ELF1: variants seen among roughly 807,000 people sequenced by gnomAD.
The protein encoded by ELF1 is ETS-related transcription factor Elf-1.
ELF1 carries 24 observed loss-of-function variants against 59.9 expected under a neutral mutation model. The ratio of observed to expected loss-of-function variants is 0.40; its 90% CI spans 0.29 to 0.56. The LOEUF (loss-of-function observed/expected upper bound fraction) is 0.56, where lower values mean the gene tolerates loss of function less well. Among genes scored for constraint, ELF1 ranks in the 20% least tolerant of loss-of-function variants. The probability of loss-of-function intolerance (pLI) is 0.44; values close to 1 mark genes in which losing one functional copy is unlikely to be tolerated. For synonymous variants in ELF1, 248 were observed against 266.2 expected (o/e 0.93, Z 0.67); for missense variants, 627 against 742.2 (o/e 0.84, Z 1.80).
At chr13:41,004,098 G>A (rs1282865923) in intron 1 of ELF1, among the ~76,000 whole-genome samples, 1 of 151,994 alleles carries the variant, frequency 6.6e-6, no homozygotes, top group African/African-American at 2.4e-5. Flanking sequence ...GCCATTTACT[G>A]GGTATACAAA....
intron 2 of ELF1, among the ~76,000 whole-genome samples, chr13:40,968,721 C>CTTT (rs35089615): frequency 7.3e-6 from 1 of 137,376 alleles, no homozygotes; most frequent in Non-Finnish European, 1.6e-5. Flanking sequence ...TTTCTATATT[C>CTTT]TTTTTTTTTT....
intron 1 of ELF1, among the ~76,000 whole-genome samples, chr13:41,038,682 G>A (rs984606069): frequency 1.1e-4 from 17 of 152,066 alleles, no homozygotes; most frequent in African/African-American, 3.9e-4. Context: ...GTAAAAGTAT[G>A]GAATAAAATA....
At chr13:41,044,427 G>A (rs1876754201) in intron 1 of ELF1, among the ~76,000 whole-genome samples, 1 of 152,172 alleles carries the variant, frequency 6.6e-6, no homozygotes, top group Admixed American at 6.5e-5. Flanking sequence ...TTGGCTGTGG[G>A]TTTGTCATAA....
chr13:41,009,395 C>T (rs2138357862), intron 1 of ELF1, among the ~76,000 whole-genome samples: 1 of 152,150 alleles, frequency 6.6e-6, no homozygotes, highest in East Asian at 1.9e-4. Context: ...AGGATACCTA[C>T]ACCAAGAACT....
rs570790553 is a variant in ELF1 at position 40,958,276 on chromosome 13, G to A, written c.253+560C>T. Among the ~76,000 whole-genome samples, 77 of 152,220 alleles carry A rather than the reference G, an allele frequency of 5.1e-4. 1 individual carries two copies. In the South Asian group the frequency reaches 0.015, roughly 29 times the overall value. ...AATCTATAAATCCCAGGACCTTATC[G>A]TACATTTGGGTCATGGCCCACCATT... On this transcript the variant is annotated intron_variant, in intron 3 of 8. Transcript: ENST00000239882.
intron 1 of ELF1, among the ~76,000 whole-genome samples, chr13:41,058,533 C>A (rs774017606): frequency 7.9e-5 from 12 of 152,252 alleles, no homozygotes; most frequent in Non-Finnish European, 1.5e-4. Context: ...AAAGATAAAT[C>A]TGTGTTTTAT....
intron 2 of ELF1, among the ~76,000 whole-genome samples, chr13:40,980,966 T>C (rs1873225849): frequency 2.0e-5 from 3 of 152,128 alleles, no homozygotes; most frequent in Admixed American, 2.0e-4. Context: ...TGTAGGTTTA[T>C]TTATAAACTT....
Position 40,977,754 on chromosome 13 carries a change from C to T in ELF1, c.72+4229G>A, listed in dbSNP as rs1341000109. On this transcript the variant is annotated intron_variant, in intron 2 of 8. Transcript: ENST00000239882. Reference sequence around the variant, plus strand: ...CTAACTCTAAAATTCATTCAAAATCCTATTCCAATTTGGGGGGAGGAGGAT... The same window carrying T: ...CTAACTCTAAAATTCATTCAAAATCTTATTCCAATTTGGGGGGAGGAGGAT... Among the ~76,000 whole-genome samples, 4 of 152,058 alleles carry T rather than the reference C, an allele frequency of 2.6e-5. No individual in the cohort carries two copies. The East Asian group carries it at 7.7e-4, about 29-fold the overall frequency.
intron 2 of ELF1, 94 bp from the exon 3 acceptor site, chr13:40,959,110 C>T (rs1871645146): frequency 1.4e-6 from 2 of 1,432,438 alleles, no homozygotes; most frequent in Non-Finnish European, 1.8e-6. Context: ...TACTAGCCAT[C>T]AATTTAATTT....
At chr13:40,978,541 A>C (rs1262224861) in intron 2 of ELF1, among the ~76,000 whole-genome samples, 1 of 152,116 alleles carries the variant, frequency 6.6e-6, no homozygotes, top group Non-Finnish European at 1.5e-5. Context: ...AAAACATTTA[A>C]AATTTCTATA....
At chr13:40,969,058 A>T (rs1450874149) in intron 2 of ELF1, among the ~76,000 whole-genome samples, 2 of 152,160 alleles carry the variant, frequency 1.3e-5, no homozygotes, top group Non-Finnish European at 2.9e-5. Flanking sequence ...AGTTTTAGCA[A>T]CCAGGCAGAA....
At chr13:41,043,791 T>C (rs903438789) in intron 1 of ELF1, among the ~76,000 whole-genome samples, 2 of 152,222 alleles carry the variant, frequency 1.3e-5, no homozygotes, top group Non-Finnish European at 2.9e-5. Context: ...GTGGGCTCTT[T>C]TTTGGTACCA....
intron 5 of ELF1, among the ~76,000 whole-genome samples, chr13:40,949,109 C>A (rs1870683380): frequency 6.6e-6 from 1 of 152,072 alleles, no homozygotes; most frequent in South Asian, 2.1e-4. Flanking sequence ...CCTCAGCTTC[C>A]CAAGTAGCTG....
At chr13:41,009,264 A>G (rs1208339501) in intron 1 of ELF1, among the ~76,000 whole-genome samples, 1 of 152,042 alleles carries the variant, frequency 6.6e-6, no homozygotes, top group Non-Finnish European at 1.5e-5. Context: ...TATAAAGACG[A>G]TGCAAAGATC....
chr13:41,058,824 T>C (rs1251885262), intron 1 of ELF1, among the ~76,000 whole-genome samples: 1 of 152,080 alleles, frequency 6.6e-6, no homozygotes, highest in South Asian at 2.1e-4. Flanking sequence ...AATACAAAAA[T>C]TGGCCACGCG....
chr13:41,042,915 A>C (rs112106985), intron 1 of ELF1, among the ~76,000 whole-genome samples: 148,540 of 152,298 alleles, frequency 0.98, 72,529 homozygotes, highest in Non-Finnish European at 1. Context: ...AGTTTACAGT[A>C]CCACCAACAG....
At chr13:41,035,432 A>G (rs1566195790) in intron 1 of ELF1, among the ~76,000 whole-genome samples, 1 of 152,000 alleles carries the variant, frequency 6.6e-6, no homozygotes, top group East Asian at 1.9e-4. Flanking sequence ...TTTCCACCCA[A>G]TTGAACCATT....
chr13:40,933,692 A>G lies in ELF1; in HGVS notation c.1593T>C (p.Thr531=), dbSNP rs1384228531. ...GAGGAGAAAAGGTCACCACAGGTGCAGTAGCACTGAAGGATGGAGAGGAAG... is the reference window on the plus strand; with the variant it reads ...GAGGAGAAAAGGTCACCACAGGTGCGGTAGCACTGAAGGATGGAGAGGAAG... The part of the protein sequence containing the change: ...SVASSPSFSA[T]APVVTFSPRS... The change falls in exon 9 of 9, where the codon ACT becomes ACC. Residue 531 remains threonine (T), a synonymous_variant. Transcript: ENST00000239882. 2 of 1,614,184 alleles carry G rather than the reference A, an allele frequency of 1.2e-6. No homozygotes were observed. Among genetic ancestry groups the G allele is most frequent in the Non-Finnish European group, 1.7e-6 (2 of 1,180,066 alleles).
At chr13:40,953,201 C>T (rs1159748784) in intron 3 of ELF1, among the ~76,000 whole-genome samples, 1 of 152,064 alleles carries the variant, frequency 6.6e-6, no homozygotes, top group African/African-American at 2.4e-5. Context: ...GTCTTGAACT[C>T]CCGACCTCAG....
Sources: gnomAD v4.1 joint callset for allele counts (sites outside exome capture counted in the v4.1 genomes callset) on GRCh38, gnomAD v4.1.1 for gene constraint, MANE v1.5 for transcripts, NCBI Gene and HGNC (gene_info 2026-07-23, HGNC 2026-07-21) for gene names.